ANKRD6: variants seen among roughly 807,000 people sequenced by gnomAD.
The protein encoded by ANKRD6 is ankyrin repeat domain-containing protein 6.
Under a neutral mutation model 82.3 loss-of-function variants are expected in ANKRD6, and 56 were observed. The observed-to-expected ratio is 0.68, with a 90% confidence interval of 0.55 to 0.85. The LOEUF is 0.85. Among genes scored for constraint, ANKRD6 ranks in the 40% least tolerant of loss-of-function variants. The probability of loss-of-function intolerance (pLI) is 0.00; values close to 1 mark genes in which losing one functional copy is unlikely to be tolerated. For missense variants in ANKRD6, 852 were observed against 907.6 expected (o/e 0.94, Z 0.79); for synonymous variants, 347 against 352.1 (o/e 0.99, Z 0.16).
intron 1 of ANKRD6, among the ~76,000 whole-genome samples, chr6:89,474,928 C>T (rs1270354740): frequency 6.6e-6 from 1 of 152,200 alleles, no homozygotes; most frequent in East Asian, 1.9e-4. Flanking sequence ...CTGTTCTAGA[C>T]AGTGCGAAAT....
chr6:89,545,229 AAG>A (rs1554231607), intron 1 of ANKRD6, among the ~76,000 whole-genome samples: 2 of 150,248 alleles, frequency 1.3e-5, no homozygotes, highest in African/African-American at 4.9e-5. Context: ...AAAAAAAAAA[AAG>A]AAAAGAAAAA....
chr6:89,434,636 T>G (rs1032873728), intron 1 of ANKRD6, among the ~76,000 whole-genome samples: 2 of 152,144 alleles, frequency 1.3e-5, no homozygotes, highest in African/African-American at 4.8e-5. Flanking sequence ...AGACAGAGTC[T>G]CACTGTGTTG....
intron 1 of ANKRD6, among the ~76,000 whole-genome samples, chr6:89,514,940 T>C (rs905041638): frequency 1.3e-5 from 2 of 152,250 alleles, no homozygotes; most frequent in African/African-American, 4.8e-5. Flanking sequence ...TTGATGACTT[T>C]TGAAGTTGAG....
intron 1 of ANKRD6, among the ~76,000 whole-genome samples, chr6:89,524,659 TTG>T (rs1252889560): frequency 6.6e-6 from 1 of 152,230 alleles, no homozygotes; most frequent in Non-Finnish European, 1.5e-5. Context: ...TTTCATATTT[TTG>T]CAGTTGCGAG....
At chr6:89,560,146 C>T (rs543994098) in intron 1 of ANKRD6, among the ~76,000 whole-genome samples, 2 of 152,260 alleles carry the variant, frequency 1.3e-5, no homozygotes, top group South Asian at 4.1e-4. Context: ...GCTTGAGCTA[C>T]CATGTCTGCT....
At chr6:89,565,322 T>G (rs778520365) in intron 1 of ANKRD6, 1 of 152,244 alleles carries the variant, frequency 6.6e-6, no homozygotes, top group Non-Finnish European at 1.5e-5. Flanking sequence ...CAGGATGGGT[T>G]TGCGAGAGTT....
At chr6:89,466,456 G>GC in intron 1 of ANKRD6, among the ~76,000 whole-genome samples, 1 of 152,160 alleles carries the variant, frequency 6.6e-6, no homozygotes, top group African/African-American at 2.4e-5. Context: ...TTGTTGTCTT[G>GC]CCTTTTTGTC....
rs188831568 is a variant in ANKRD6, at chr6:89,614,731, G to A, written c.615+841G>A. On this transcript the variant is annotated intron_variant, in intron 7 of 15. Coordinates refer to ENST00000339746, the MANE Select transcript of ANKRD6 (RefSeq NM_001242809.2). ...AGTTCCAGCTACTCAGGAGGCTGAG[G>A]CAGGTGGATTGTTTGAGCCTAGGAG... Among the ~76,000 whole-genome samples the A allele has an allele frequency of 1.2e-4, 19 of 152,092 alleles. No individual in the cohort carries two copies. In the East Asian group the frequency reaches 3.5e-3, roughly 28 times the overall value.
intron 15 of ANKRD6, 145 bp downstream of exon 15, chr6:89,629,383 T>G: frequency 1.7e-6 from 2 of 1,191,510 alleles, no homozygotes; most frequent in South Asian, 2.6e-5. Flanking sequence ...AAGGACTGTA[T>G]TTTGCTCGTA....
rs1285541553 is a variant in ANKRD6, at chr6:89,629,317, G to T, written c.1612+79G>T. 2.5e-6 allele frequency: 4 copies of T among 1,584,278 alleles called. No homozygotes were observed. In the Admixed American group the frequency reaches 7.1e-5, roughly 28 times the overall value. ...TTGTACTCTCCTGCACTGAAAGGCA[G>T]TACGTATGCTAGGGCTGTGGGAAAC... On this transcript the variant is annotated intron_variant, in intron 15 of 15. Coordinates refer to ENST00000339746, the MANE Select transcript of ANKRD6 (RefSeq NM_001242809.2).
chr6:89,609,908 C>T (rs1799786525), intron 5 of ANKRD6, among the ~76,000 whole-genome samples: 1 of 152,124 alleles, frequency 6.6e-6, no homozygotes, highest in Admixed American at 6.5e-5. Context: ...TGCACCCAGC[C>T]CAGAAATTGT....
At chr6:89,461,414 G>T (rs957993041) in intron 1 of ANKRD6, among the ~76,000 whole-genome samples, 1 of 152,166 alleles carries the variant, frequency 6.6e-6, no homozygotes, top group Non-Finnish European at 1.5e-5. Context: ...TTTCTTATGT[G>T]CTGCAGTATT....
At chr6:89,525,907 T>C (rs1295854163) in intron 1 of ANKRD6, among the ~76,000 whole-genome samples, 3 of 152,230 alleles carry the variant, frequency 2.0e-5, no homozygotes, top group African/African-American at 7.2e-5. Context: ...GTAAGTCCCA[T>C]TCTCTGTCCA....
intron 1 of ANKRD6, among the ~76,000 whole-genome samples, chr6:89,539,890 A>T (rs563203560): frequency 2.4e-4 from 36 of 151,282 alleles, no homozygotes; most frequent in Admixed American, 2.0e-3. Context: ...AAAAAACCAG[A>T]TGTTTTTGCG....
intron 1 of ANKRD6, among the ~76,000 whole-genome samples, chr6:89,538,536 T>G (rs1158214146): frequency 6.6e-6 from 1 of 152,206 alleles, no homozygotes; most frequent in Non-Finnish European, 1.5e-5. Flanking sequence ...ACATACTGTT[T>G]CCTTCAAGAA....
chr6:89,568,161 G>GT (rs1278129266), intron 2 of ANKRD6: 2 of 152,234 alleles, frequency 1.3e-5, no homozygotes, highest in African/African-American at 4.8e-5. Flanking sequence ...CAGAGCTTGT[G>GT]TGATCTACCC....
At position 89,598,261 on chromosome 6, in the gene ANKRD6, T is replaced by A. The variant is rs556761548; in HGVS notation, c.219+2247T>A. ...TCCTGCCAATCGTGTCAACTCTCAT[T>A]GGAGCGCTAATGCCATCTCTGATTG... On this transcript the variant is annotated intron_variant, in intron 3 of 15. Coordinates refer to ENST00000339746, the MANE Select transcript of ANKRD6 (RefSeq NM_001242809.2). 258 of 985,372 alleles carry A rather than the reference T, an allele frequency of 2.6e-4. 3 individuals carry two copies. The South Asian group carries it at 9.8e-3, about 37-fold the overall frequency. The allele number at this position is 985,372 out of a possible 1,614,324, so 61.0% of individuals were successfully genotyped here.
chr6:89,589,503 G>A (rs1583524471), intron 2 of ANKRD6, among the ~76,000 whole-genome samples: 1 of 152,252 alleles, frequency 6.6e-6, no homozygotes, highest in South Asian at 2.1e-4. Flanking sequence ...GATTACCTTT[G>A]GCTGGGCTCC....
chr6:89,600,054 A>G (rs939425267), intron 3 of ANKRD6, among the ~76,000 whole-genome samples: 1 of 152,076 alleles, frequency 6.6e-6, no homozygotes, highest in Non-Finnish European at 1.5e-5. Context: ...TTAGGACACT[A>G]TGTGTTCTCG....
Sources: allele counts gnomAD v4.1 joint callset (sites outside exome capture counted in the v4.1 genomes callset), GRCh38; gene constraint gnomAD v4.1.1; transcripts MANE v1.5; gene names NCBI Gene and HGNC (gene_info 2026-07-23, HGNC 2026-07-21).